Variants in P2RY6 observed in about 807,000 individuals in gnomAD.
The protein encoded by P2RY6 is pyrimidinergic receptor P2Y6, also known as P2Y purinoceptor 6.
A neutral mutation model predicts 16.3 loss-of-function variants in P2RY6; 19 were observed. That is an observed-to-expected ratio of 1.16 (90% CI 0.81 to 1.71). The LOEUF (loss-of-function observed/expected upper bound fraction) is 1.71, where lower values mean the gene tolerates loss of function less well. Among genes scored for constraint, P2RY6 ranks in the 40% most tolerant of loss-of-function variants. The pLI is 0.00. For missense variants in P2RY6, 389 were observed against 455.5 expected (o/e 0.85, Z 1.33); for synonymous variants, 184 against 201.5 (o/e 0.91, Z 0.74).
chr11:73,273,692 C>T (rs1863414136), intron 1 of P2RY6, among the ~76,000 whole-genome samples: 1 of 152,166 alleles, frequency 6.6e-6, no homozygotes, highest in Admixed American at 6.5e-5. Flanking sequence ...TCTCTGGAGA[C>T]CTGACTGCCG....
Position 73,296,833 on chromosome 11 carries a change from C to T in P2RY6, c.315C>T (p.Leu105=), listed in dbSNP as rs755193958. ...TCGCCTGCCGCCTGGTCCGCTTCCTCTTCTATGCCAACCTGCACGGCAGCA... is the reference window on the plus strand; with the variant it reads ...TCGCCTGCCGCCTGGTCCGCTTCCTTTTCTATGCCAACCTGCACGGCAGCA... The part of the protein sequence containing the change: ...GDFACRLVRF[L]FYANLHGSIL... Residue 105 remains leucine, a synonymous_variant, in exon 3 of 3, where the codon CTC becomes CTT. Coordinates refer to ENST00000540124, the MANE Select transcript of P2RY6 (RefSeq NM_001277204.2). The T allele has an allele frequency of 1.6e-5, 25 of 1,610,682 alleles. No individual in the cohort carries two copies. The highest frequency in any genetic ancestry group is 3.3e-4 in the Middle Eastern group (2 of 6,062).
chr11:73,296,676 C>A lies in P2RY6; in HGVS notation c.158C>A (p.Thr53Lys). Reference protein sequence around the residue: ...LNICVITQICTSRRALTRTAV... With the variant: ...LNICVITQICKSRRALTRTAV... ...ATCTGTGTCATTACCCAGATCTGCA[C>A]GTCCCGCCGGGCCCTGACCCGCACG... The change falls in exon 3 of 3, where the codon ACG becomes AAG. Residue 53 changes from threonine to lysine, a missense_variant. Thr to Lys is a moderately conservative substitution (Grantham distance 78). Transcript: ENST00000540124. The A allele has an allele frequency of 6.2e-7, 1 of 1,614,158 alleles. No homozygotes were observed. Among genetic ancestry groups the A allele is most frequent in the Non-Finnish European group, 8.5e-7 (1 of 1,180,032 alleles).
chr11:73,274,737 G>C (rs1009324369), intron 1 of P2RY6, among the ~76,000 whole-genome samples: 4 of 152,206 alleles, frequency 2.6e-5, no homozygotes, highest in African/African-American at 9.7e-5. Flanking sequence ...TGGTTCCTTA[G>C]TGTTAGAGTG....
intron 1 of P2RY6, among the ~76,000 whole-genome samples, chr11:73,266,074 C>T (rs558171212): frequency 6.6e-6 from 1 of 152,320 alleles, no homozygotes; most frequent in African/African-American, 2.4e-5. Context: ...GGTCCCTGCC[C>T]ACCCCAGGAA....
rs767521031 is a variant in P2RY6, at chr11:73,297,130, C to G, written c.612C>G (p.Pro204=). 6.2e-7 allele frequency: 1 copy of G among 1,604,838 alleles called. No individual in the cohort carries two copies. Among genetic ancestry groups the G allele is most frequent in the Non-Finnish European group, 8.5e-7 (1 of 1,179,940 alleles). The change falls in exon 3 of 3, where the codon CCC becomes CCG. Residue 204 remains proline, a synonymous_variant. Transcript: ENST00000540124. ...TCACTGTCATCGGCTTCCTGCTGCCCTTTGCTGCCCTGCTGGCCTGCTACT... is the reference window on the plus strand; with the variant it reads ...TCACTGTCATCGGCTTCCTGCTGCCGTTTGCTGCCCTGCTGGCCTGCTACT... ...MALTVIGFLL[P]FAALLACYCL...
Position 73,296,705 on chromosome 11 carries a change from G to A in P2RY6, c.187G>A (p.Val63Met), listed in dbSNP as rs1336910280. Residue 63 changes from valine (V) to methionine (M), a missense_variant, in exon 3 of 3, where the codon GTG becomes ATG. Transcript: ENST00000540124. ...TSRRALTRTA[V>M]YTLNLALADL... is the part of the protein sequence containing the mutation. ...CCGCCGGGCCCTGACCCGCACGGCC[G>A]TGTACACCCTAAACCTTGCTCTGGC... The A allele has an allele frequency of 1.2e-5, 19 of 1,613,942 alleles. No individual in the cohort carries two copies. The highest frequency in any genetic ancestry group is 1.1e-4 in the East Asian group (5 of 44,904).
chr11:73,271,522 A>G (rs779452310), upstream of P2RY6: 1 of 152,270 alleles, frequency 6.6e-6, no homozygotes, highest in Non-Finnish European at 1.5e-5. Flanking sequence ...GACTGCGAGC[A>G]CCGGTGGTCA....
chr11:73,291,058 A>G (rs1251454299), intron 1 of P2RY6, among the ~76,000 whole-genome samples: 2 of 152,176 alleles, frequency 1.3e-5, no homozygotes, highest in East Asian at 3.8e-4. Flanking sequence ...ACCCCTGAGA[A>G]GAGGGTGAGG....
At chr11:73,294,689 C>T (rs868696955) in intron 1 of P2RY6, among the ~76,000 whole-genome samples, 13 of 152,208 alleles carry the variant, frequency 8.5e-5, no homozygotes, top group African/African-American at 2.9e-4. Flanking sequence ...AAAATAGCTC[C>T]ACCAAAATGA....
chr11:73,278,343 AGAGACG>A (rs975928505), intron 1 of P2RY6, among the ~76,000 whole-genome samples: 4 of 152,072 alleles, frequency 2.6e-5, no homozygotes, highest in Non-Finnish European at 4.4e-5. Flanking sequence ...TATTTTTAGT[AGAGACG>A]GAGTTTCACC....
upstream of P2RY6, among the ~76,000 whole-genome samples, chr11:73,270,495 A>C (rs897702635): frequency 6.6e-6 from 1 of 152,128 alleles, no homozygotes; most frequent in Non-Finnish European, 1.5e-5. Context: ...CTTTGTGGAC[A>C]TGCCAAGAGA....
Position 73,296,816 on chromosome 11 carries a change from C to A in P2RY6, c.298C>A (p.Arg100Ser). ...CTGGCCCTTTGGCGACTTCGCCTGC[C>A]GCCTGGTCCGCTTCCTCTTCTATGC... is the stretch of plus-strand genomic sequence containing the variant. ...DHWPFGDFAC[R>S]LVRFLFYANL... Residue 100 changes from arginine (R) to serine (S), a missense_variant, in exon 3 of 3, where the codon CGC (arginine) becomes AGC (serine). Arg to Ser is a moderately radical substitution (Grantham distance 110). Transcript: ENST00000540124. 6.2e-7 allele frequency: 1 copy of A among 1,610,500 alleles called. No individual in the cohort carries two copies. Among genetic ancestry groups the A allele is most frequent in the African/African-American group, 1.3e-5 (1 of 75,076 alleles).
rs201782854 is a variant in P2RY6 at position 73,297,278 on chromosome 11, C to T, written c.760C>T (p.Pro254Ser). 1.2e-6 allele frequency: 2 copies of T among 1,608,588 alleles called. No individual in the cohort carries two copies. Among genetic ancestry groups the T allele is most frequent in the East Asian group, 2.2e-5 (1 of 44,868 alleles). Residue 254 changes from proline to serine, a missense_variant, in exon 3 of 3, where the codon CCT (proline) becomes TCT (serine). Pro to Ser is a moderately conservative substitution (Grantham distance 74). Transcript: ENST00000540124. ...TGCTGCCTTTGCCATCAGCTTCCTGCCTTTTCACATCACCAAGACAGCCTA... is the reference window on the plus strand; with the variant it reads ...TGCTGCCTTTGCCATCAGCTTCCTGTCTTTTCACATCACCAAGACAGCCTA... The part of the protein sequence containing the change: ...VAAAFAISFL[P>S]FHITKTAYLA...
chr11:73,269,172 C>T (rs1181403532), upstream of P2RY6, among the ~76,000 whole-genome samples: 3 of 152,168 alleles, frequency 2.0e-5, no homozygotes, highest in Admixed American at 2.0e-4. Context: ...AACTGTAAAG[C>T]ACCTGATTTA....
At chr11:73,281,083 G>A (rs1224867803) in intron 1 of P2RY6, among the ~76,000 whole-genome samples, 2 of 152,174 alleles carry the variant, frequency 1.3e-5, no homozygotes, top group Non-Finnish European at 2.9e-5. Context: ...CTTGGTGATT[G>A]ACATGAAGTG....
upstream of P2RY6, among the ~76,000 whole-genome samples, chr11:73,267,455 C>T (rs1179432054): frequency 2.6e-5 from 4 of 152,112 alleles, no homozygotes; most frequent in African/African-American, 7.2e-5. Context: ...TGTAGGCACC[C>T]CTCAGGATGA....
Position 73,297,689 on chromosome 11 carries a change from G to C in P2RY6, c.*184G>C. ...CAGCCCCTTCTCTGGCCCAGACCCT[G>C]TGGGCATGGAGATGGACAGACCTGG... On this transcript the variant is annotated 3_prime_UTR_variant, in exon 3 of 3. Transcript: ENST00000540124. The C allele has an allele frequency of 1.6e-6, 1 of 619,538 alleles. No homozygotes were observed. The highest frequency in any genetic ancestry group is 2.9e-6 in the Non-Finnish European group (1 of 343,628). 38.4% of individuals were successfully genotyped at this position (619,538 alleles called of 1,614,324 possible).
rs766530209 is a variant in P2RY6 at position 73,296,569 on chromosome 11, CT to C, written c.52del (p.Cys18ValfsTer26). On this transcript the variant is annotated frameshift_variant, in exon 3 of 3. Transcript: ENST00000540124. LOFTEE classifies it high-confidence loss of function. ...GQALGLPPTT[C>X]VYRENFKQLL... ...AGGCTCTGGGCTTGCCACCCACCAC[CT>C]GTGTCTACCGCGAGAACTTCAAGCA... The C allele has an allele frequency of 6.2e-7, 1 of 1,614,116 alleles. No individual in the cohort carries two copies.
At chr11:73,289,118 T>C (rs894791078) in intron 1 of P2RY6, among the ~76,000 whole-genome samples, 4 of 152,314 alleles carry the variant, frequency 2.6e-5, no homozygotes, top group African/African-American at 9.6e-5. Flanking sequence ...TGTGGGGTCA[T>C]GTAAAGTTTA....
Sources: allele counts gnomAD v4.1 joint callset (sites outside exome capture counted in the v4.1 genomes callset), GRCh38; gene constraint gnomAD v4.1.1; transcripts MANE v1.5; gene names NCBI Gene and HGNC (gene_info 2026-07-23, HGNC 2026-07-21).